Variants in SIPA1L1 observed in about 807,000 individuals in gnomAD.
The protein encoded by SIPA1L1 is signal-induced proliferation-associated 1-like protein 1.
In SIPA1L1, 26 loss-of-function variants were observed where a neutral mutation model predicts 162.7. That is an observed-to-expected ratio of 0.16 (90% CI 0.12 to 0.22). SIPA1L1 has a LOEUF of 0.22. Among genes scored for constraint, SIPA1L1 ranks in the 10% least tolerant of loss-of-function variants. The pLI is 1.00. For missense variants in SIPA1L1, 1,874 were observed against 2,241.0 expected (o/e 0.84, Z 3.31); for synonymous variants, 829 against 837.4 (o/e 0.99, Z 0.17).
chr14:71,397,768 G>C (rs1283156278), intron 2 of SIPA1L1, among the ~76,000 whole-genome samples: 1 of 152,072 alleles, frequency 6.6e-6, no homozygotes, highest in Non-Finnish European at 1.5e-5. Context: ...TGCTTTGTTA[G>C]TATTATTTGC....
At chr14:71,632,032 A>G (rs935671712) in intron 7 of SIPA1L1, among the ~76,000 whole-genome samples, 3 of 152,338 alleles carry the variant, frequency 2.0e-5, no homozygotes, top group African/African-American at 7.2e-5. Flanking sequence ...AGACCGGCCC[A>G]TCCATTGAGA....
At chr14:71,608,612 T>C (rs1204376759) in intron 5 of SIPA1L1, among the ~76,000 whole-genome samples, 2 of 152,102 alleles carry the variant, frequency 1.3e-5, no homozygotes, top group Non-Finnish European at 2.9e-5. Context: ...AAAGAAATCT[T>C]CTGGCCAGGC....
intron 9 of SIPA1L1, 48 bp from the exon 10 acceptor site, chr14:71,661,262 G>A (rs890489526): frequency 5.0e-6 from 8 of 1,593,484 alleles, no homozygotes; most frequent in Non-Finnish European, 6.9e-6. Context: ...GGGTGGCGGG[G>A]GAAGCAAATG....
At chr14:71,532,603 T>A (rs1206818921) in intron 4 of SIPA1L1, among the ~76,000 whole-genome samples, 2 of 152,202 alleles carry the variant, frequency 1.3e-5, no homozygotes, top group Admixed American at 6.5e-5. Flanking sequence ...GGAAAAGCAA[T>A]ACTACATGAA....
intron 2 of SIPA1L1, among the ~76,000 whole-genome samples, chr14:71,501,923 A>G (rs144033546): frequency 1.3e-5 from 2 of 151,658 alleles, no homozygotes; most frequent in African/African-American, 4.8e-5. Flanking sequence ...GCATGTGCCT[A>G]TAGTCCCAAC....
intron 2 of SIPA1L1, among the ~76,000 whole-genome samples, chr14:71,502,746 C>G (rs2050364271): frequency 6.6e-6 from 1 of 152,048 alleles, no homozygotes; most frequent in Non-Finnish European, 1.5e-5. Flanking sequence ...GTTTAATATA[C>G]TTCTCAGTTT....
intron 4 of SIPA1L1, among the ~76,000 whole-genome samples, chr14:71,585,375 T>C (rs2034457773): frequency 1.3e-5 from 2 of 152,200 alleles, no homozygotes; most frequent in African/African-American, 4.8e-5. Context: ...AATGGGAGTC[T>C]TGAAATTTCT....
chr14:71,384,487 T>G (rs2040161441), intron 2 of SIPA1L1, among the ~76,000 whole-genome samples: 1 of 152,164 alleles, frequency 6.6e-6, no homozygotes, highest in African/African-American at 2.4e-5. Context: ...ACCGCCGCCT[T>G]GAAACTGGAG....
chr14:71,330,016 C>T (rs1052707078), intron 2 of SIPA1L1, among the ~76,000 whole-genome samples: 23 of 152,026 alleles, frequency 1.5e-4, no homozygotes, highest in African/African-American at 5.3e-4. Flanking sequence ...ATTCTTTTGG[C>T]GACTGATTTC....
At chr14:71,332,963 T>C (rs1342147972) in intron 2 of SIPA1L1, among the ~76,000 whole-genome samples, 2 of 152,204 alleles carry the variant, frequency 1.3e-5, no homozygotes, top group Non-Finnish European at 2.9e-5. Flanking sequence ...TTTAGAGTAT[T>C]TGTTTTTAAC....
intron 7 of SIPA1L1, among the ~76,000 whole-genome samples, chr14:71,649,441 C>T (rs530237162): frequency 6.6e-6 from 1 of 152,134 alleles, no homozygotes; most frequent in African/African-American, 2.4e-5. Context: ...ATCTGCCCCC[C>T]TCAGCCTCCC....
At chr14:71,536,815 C>G (rs2053944801) in intron 4 of SIPA1L1, among the ~76,000 whole-genome samples, 1 of 152,156 alleles carries the variant, frequency 6.6e-6, no homozygotes, top group African/African-American at 2.4e-5. Flanking sequence ...TGTTGATTCT[C>G]TGGCGTTATA....
intron 3 of SIPA1L1, among the ~76,000 whole-genome samples, chr14:71,524,384 C>A (rs1046089076): frequency 2.0e-5 from 3 of 152,166 alleles, no homozygotes; most frequent in African/African-American, 7.2e-5. Context: ...GCTTTAGGTT[C>A]CCCTTATATA....
At chr14:71,330,487 C>A in intron 2 of SIPA1L1, 2 of 1,606,366 alleles carry the variant, frequency 1.2e-6, no homozygotes, top group Non-Finnish European at 8.5e-7. Flanking sequence ...AACTTGGTCC[C>A]CTTCCTGAAG....
At chr14:71,391,254 C>T (rs2040729980) in intron 2 of SIPA1L1, among the ~76,000 whole-genome samples, 1 of 151,934 alleles carries the variant, frequency 6.6e-6, no homozygotes, top group African/African-American at 2.4e-5. Context: ...CTACAGGCGC[C>T]CGCCACACGC....
chr14:71,672,684 A>G, intron 12 of SIPA1L1, 62 bp downstream of exon 12: 1 of 1,546,416 alleles, frequency 6.5e-7, no homozygotes, highest in Non-Finnish European at 8.8e-7. Context: ...TACCATGTAG[A>G]ACATCTCTTA....
intron 18 of SIPA1L1, among the ~76,000 whole-genome samples, chr14:71,724,252 G>A (rs1392387332): frequency 6.6e-6 from 1 of 152,018 alleles, no homozygotes; most frequent in East Asian, 1.9e-4. Context: ...GGCACCAGAG[G>A]GAATATTACA....
intron 4 of SIPA1L1, among the ~76,000 whole-genome samples, chr14:71,580,522 A>G (rs1326436345): frequency 6.6e-6 from 1 of 152,226 alleles, no homozygotes; most frequent in East Asian, 1.9e-4. Context: ...GATATAAGCA[A>G]TTGTGTTAAT....
chr14:71,453,588 A>G (rs947599710), intron 2 of SIPA1L1, among the ~76,000 whole-genome samples: 1 of 152,216 alleles, frequency 6.6e-6, no homozygotes, highest in African/African-American at 2.4e-5. Context: ...AGCTGTATGA[A>G]ATATTTGTAT....
Sources: allele counts gnomAD v4.1 joint callset (sites outside exome capture counted in the v4.1 genomes callset), GRCh38; gene constraint gnomAD v4.1.1; transcripts MANE v1.5; gene names NCBI Gene and HGNC (gene_info 2026-07-23, HGNC 2026-07-21).